The following NRXN3 variants were observed in gnomAD, a reference collection of about 807,000 sequenced individuals.
The protein encoded by NRXN3 is neurexin 3, also known as neurexin III.
Under a neutral mutation model 137.6 loss-of-function variants are expected in NRXN3, and 32 were observed. The observed-to-expected ratio is 0.23, with a 90% CI of 0.18 to 0.31. NRXN3 has a LOEUF of 0.31. NRXN3 is among the 10% of genes least tolerant of loss of function. The probability of loss-of-function intolerance (pLI) is 1.00; values close to 1 mark genes in which losing one functional copy is unlikely to be tolerated. For synonymous variants in NRXN3, 798 were observed against 784.5 expected, an observed-to-expected ratio of 1.02 and a Z score of -0.29; for missense variants, 1,574 against 2,062.5, an observed-to-expected ratio of 0.76 and a Z score of 4.59.
At chr14:79,822,871 A>G (rs2099276964) in intron 20 of NRXN3, among the ~76,000 whole-genome samples, 1 of 152,226 alleles carries the variant, frequency 6.6e-6, no homozygotes, top group Non-Finnish European at 1.5e-5. Context: ...AAATATAACT[A>G]GAAGGCCAAG....
intron 15 of NRXN3, among the ~76,000 whole-genome samples, chr14:79,391,515 A>T (rs887800813): frequency 1.3e-5 from 2 of 152,228 alleles, no homozygotes; most frequent in African/African-American, 4.8e-5. Flanking sequence ...AACTACCCTG[A>T]AAACTGTAGA....
At chr14:78,222,333 TAC>T (rs72352115) in intron 1 of NRXN3, among the ~76,000 whole-genome samples, 24,420 of 147,456 alleles carry the variant, frequency 0.17, 2,206 homozygotes, top group African/African-American at 0.25. Context: ...CACACACACA[TAC>T]ACACACACAC....
rs776517366 is a variant in NRXN3, at chr14:78,297,901, G to T, written c.757+41G>T. ...TTGTGGTCCTGCAGCTGCCTGAACT[G>T]CTTGCCTCCGTGCCTCTGGCTGGTC... On this transcript the variant is annotated intron_variant, in intron 4 of 20. Coordinates refer to ENST00000335750, the MANE Select transcript of NRXN3 (RefSeq NM_001330195.2). The T allele has an allele frequency of 2.1e-5, 32 of 1,535,170 alleles. No individual in the cohort carries two copies. The South Asian group carries it at 2.9e-4, about 14-fold the overall frequency.
At chr14:79,419,389 C>T (rs2095543387) in intron 15 of NRXN3, among the ~76,000 whole-genome samples, 3 of 152,220 alleles carry the variant, frequency 2.0e-5, no homozygotes, top group Admixed American at 6.5e-5. Context: ...TTAGAAAAGT[C>T]GTTATTCCAT....
At chr14:79,513,469 G>C (rs1229480591) in intron 16 of NRXN3, among the ~76,000 whole-genome samples, 3 of 152,194 alleles carry the variant, frequency 2.0e-5, no homozygotes, top group Admixed American at 2.0e-4. Context: ...GGAATAATCT[G>C]TCCCTAGCAC....
chr14:79,181,539 C>A (rs571088280), intron 15 of NRXN3, among the ~76,000 whole-genome samples: 1 of 151,922 alleles, frequency 6.6e-6, no homozygotes, highest in South Asian at 2.1e-4. Flanking sequence ...AAAAATTAGC[C>A]GGGCGGATGA....
At chr14:78,663,741 T>C (rs1458236243) in intron 6 of NRXN3, among the ~76,000 whole-genome samples, 3 of 152,138 alleles carry the variant, frequency 2.0e-5, no homozygotes, top group African/African-American at 7.2e-5. Context: ...ATAAATTCAG[T>C]GGAACTCATT....
intron 17 of NRXN3, 45 bp from the exon 18 acceptor site, chr14:79,692,128 T>C (rs200027997): frequency 1.9e-5 from 28 of 1,441,578 alleles, no homozygotes; most frequent in South Asian, 5.1e-5. Flanking sequence ...TAATGACTTA[T>C]TGACTTTTCA....
At chr14:78,695,625 G>A (rs1249676424) in intron 6 of NRXN3, 1 of 152,048 alleles carries the variant, frequency 6.6e-6, no homozygotes. Context: ...GGAAGAGCTG[G>A]TCTGAGTTCT....
chr14:79,854,441 G>A (rs2099398318), intron 20 of NRXN3, among the ~76,000 whole-genome samples: 1 of 152,058 alleles, frequency 6.6e-6, no homozygotes, highest in Non-Finnish European at 1.5e-5. Context: ...TAATTTTGAA[G>A]ACTATATTTT....
intron 15 of NRXN3, among the ~76,000 whole-genome samples, chr14:79,424,320 A>T (rs773528378): frequency 2.6e-5 from 4 of 152,204 alleles, no homozygotes; most frequent in Non-Finnish European, 5.9e-5. Flanking sequence ...AAAAGGCTCT[A>T]TGTAGGTAGA....
chr14:78,181,158 A>C (rs1448629914), intron 1 of NRXN3, among the ~76,000 whole-genome samples: 2 of 152,216 alleles, frequency 1.3e-5, no homozygotes, highest in East Asian at 1.9e-4. Flanking sequence ...GGCAATGTTT[A>C]TAGTGTATTG....
intron 4 of NRXN3, among the ~76,000 whole-genome samples, chr14:78,578,969 G>T (rs1194172181): frequency 6.6e-6 from 1 of 151,942 alleles, no homozygotes; most frequent in African/African-American, 2.4e-5. Flanking sequence ...AAAAAAAAAG[G>T]CTGCCCTGGA....
chr14:78,983,196 G>A (rs1378931098), intron 14 of NRXN3, among the ~76,000 whole-genome samples: 1 of 152,136 alleles, frequency 6.6e-6, no homozygotes, highest in African/African-American at 2.4e-5. Context: ...ATTTTTGGTG[G>A]GAATGTAAAT....
chr14:78,650,497 T>C (rs576680048), intron 5 of NRXN3, among the ~76,000 whole-genome samples: 1 of 152,152 alleles, frequency 6.6e-6, no homozygotes, highest in Admixed American at 6.5e-5. Context: ...TTGGTTTGGG[T>C]CATTTCTTCT....
Position 79,861,118 on chromosome 14 carries a change from A to C in NRXN3, c.4094-224A>C. The C allele has an allele frequency of 6.8e-7, 1 of 1,473,556 alleles. No homozygotes were observed. The highest frequency in any genetic ancestry group is 9.0e-7 in the Non-Finnish European group (1 of 1,116,136). 91.3% of individuals were successfully genotyped at this position (1,473,556 alleles called of 1,614,324 possible). On this transcript the variant is annotated intron_variant, in intron 20 of 20. Transcript: ENST00000335750. The surrounding 1 kb of genome is among the most constrained non-coding windows in gnomAD (Gnocchi z 5.4). Reference sequence around the variant, plus strand: ...TTGCTACTCGTGCACCTTCCATTACACTCCCCCCTACCTTTCGCCCCCTCC... The same window carrying C: ...TTGCTACTCGTGCACCTTCCATTACCCTCCCCCCTACCTTTCGCCCCCTCC...
chr14:79,193,374 C>T (rs1411145741), intron 15 of NRXN3, among the ~76,000 whole-genome samples: 1 of 152,048 alleles, frequency 6.6e-6, no homozygotes. Context: ...AGCAGTGTCA[C>T]AGAACAAGGG....
At chr14:79,248,793 G>T (rs866609432) in intron 15 of NRXN3, 8 of 152,180 alleles carry the variant, frequency 5.3e-5, no homozygotes, top group African/African-American at 1.7e-4. Context: ...TAGCTTAAGG[G>T]AAGAAGTATA....
intron 4 of NRXN3, among the ~76,000 whole-genome samples, chr14:78,415,942 C>T (rs1466888819): frequency 6.6e-6 from 1 of 151,928 alleles, no homozygotes. Context: ...TATAAATGTT[C>T]ATGGTCTAAT....
Sources: allele counts gnomAD v4.1 joint callset (sites outside exome capture counted in the v4.1 genomes callset), GRCh38; gene constraint gnomAD v4.1.1; non-coding constraint Gnocchi (gnomAD v3.1); transcripts MANE v1.5; gene names NCBI Gene and HGNC (gene_info 2026-07-23, HGNC 2026-07-21).